HECW2: variants seen among roughly 807,000 people sequenced by gnomAD.
HECW2 encodes E3 ubiquitin-protein ligase HECW2.
HECW2 carries 61 observed loss-of-function variants against 175.2 expected under a neutral mutation model. The observed-to-expected ratio is 0.35, with a 90% CI of 0.28 to 0.43. The LOEUF is 0.43. Among genes scored for constraint, HECW2 ranks in the 20% least tolerant of loss-of-function variants. The probability of loss-of-function intolerance (pLI) is 1.00; values close to 1 mark genes in which losing one functional copy is unlikely to be tolerated. For synonymous variants in HECW2, 671 were observed against 731.0 expected (o/e 0.92, Z 1.32); for missense variants, 1,524 against 2,000.5 (o/e 0.76, Z 4.54).
rs58079994 is a variant in HECW2 at position 196,411,432 on chromosome 2, C to T, written c.292+21700G>A. 6.6e-3 allele frequency among the ~76,000 whole-genome samples: 1,003 copies of T among 152,284 alleles called. 13 individuals are homozygous for T. The highest frequency in any genetic ancestry group is 0.023 in the African/African-American group (943 of 41,556). On this transcript the variant is annotated intron_variant, in intron 2 of 28. Transcript: ENST00000644978. ...GAATTAAACAAACAAACAAAAAACT[C>T]GCAAGGCATTTAAGGTTTAAAAAAA...
intron 26 of HECW2, among the ~76,000 whole-genome samples, chr2:196,219,308 C>T (rs1687583270): frequency 6.6e-6 from 1 of 152,144 alleles, no homozygotes; most frequent in Non-Finnish European, 1.5e-5. Context: ...GTATTCTTTG[C>T]TTAAAATTAT....
intron 2 of HECW2, among the ~76,000 whole-genome samples, chr2:196,381,204 T>C (rs763598118): frequency 1.3e-5 from 2 of 152,200 alleles, no homozygotes; most frequent in Non-Finnish European, 2.9e-5. Context: ...TCTGTGACCA[T>C]GAACCTCACC....
In HECW2 at chr2:196,254,875, A is replaced by G. The variant is rs1327011726; in HGVS notation, c.3420-846T>C. Among the ~76,000 whole-genome samples, 3 of 152,028 alleles carry G rather than the reference A, an allele frequency of 2.0e-5. No homozygotes were observed. In the East Asian group the frequency reaches 5.8e-4, roughly 29 times the overall value. On this transcript the variant is annotated intron_variant, in intron 18 of 28. Coordinates refer to ENST00000644978, the MANE Select transcript of HECW2 (RefSeq NM_001348768.2). ...CTTTCCATGGGTTTATTGGCTATTC[A>G]TACTTCCATTTCTATGCCTTTTCAT...
chr2:196,233,647 TAAAC>T (rs1019073248), intron 21 of HECW2, among the ~76,000 whole-genome samples: 2 of 152,166 alleles, frequency 1.3e-5, no homozygotes, highest in African/African-American at 2.4e-5. Context: ...TTTGATATGA[TAAAC>T]AAAGTCTTAC....
Position 196,483,962 on chromosome 2 carries a change from A to C in HECW2, c.-35-50504T>G, listed in dbSNP as rs184014146. On this transcript the variant is annotated intron_variant, in intron 1 of 28. Transcript: ENST00000644978. Reference sequence around the variant, plus strand: ...AAGGAACCGTTCATTTTTAGATGTTATAACAGTGATGTATGTATGGTTAAA... The same window carrying C: ...AAGGAACCGTTCATTTTTAGATGTTCTAACAGTGATGTATGTATGGTTAAA... Among the ~76,000 whole-genome samples, 29 of 152,320 alleles carry C rather than the reference A, an allele frequency of 1.9e-4. No homozygotes were observed. In the East Asian group the frequency reaches 2.5e-3, roughly 13 times the overall value.
intron 2 of HECW2, among the ~76,000 whole-genome samples, chr2:196,347,007 CA>C (rs200981726): frequency 0.62 from 80,702 of 129,858 alleles, 25,435 homozygotes; most frequent in East Asian, 0.83. Flanking sequence ...GACTCCGTCT[CA>C]AAAAAAAAAA....
chr2:196,509,622 G>C (rs753588788), intron 1 of HECW2, among the ~76,000 whole-genome samples: 16 of 152,160 alleles, frequency 1.1e-4, no homozygotes. Flanking sequence ...CAGGAAACAA[G>C]GACAAAGACC....
At chr2:196,520,897 A>G (rs927831185) in intron 1 of HECW2, among the ~76,000 whole-genome samples, 1 of 152,226 alleles carries the variant, frequency 6.6e-6, no homozygotes, top group Non-Finnish European at 1.5e-5. Flanking sequence ...AAAATTATTT[A>G]TAAGGTCAGA....
At chr2:196,215,112 T>C (rs1436908707) in intron 28 of HECW2, among the ~76,000 whole-genome samples, 1 of 152,216 alleles carries the variant, frequency 6.6e-6, no homozygotes, top group African/African-American at 2.4e-5. Flanking sequence ...AAACAAATTT[T>C]CTTCCATTCC....
chr2:196,356,765 CTAT>C (rs1049595689), intron 2 of HECW2, among the ~76,000 whole-genome samples: 1 of 152,134 alleles, frequency 6.6e-6, no homozygotes, highest in African/African-American at 2.4e-5. Context: ...TATAATTGTT[CTAT>C]TTTGTTTTAG....
chr2:196,395,870 T>G (rs944969579), intron 2 of HECW2, among the ~76,000 whole-genome samples: 1 of 152,204 alleles, frequency 6.6e-6, no homozygotes, highest in African/African-American at 2.4e-5. Context: ...CCAGCTATTC[T>G]ACTTCTGGGT....
chr2:196,371,878 T>C (rs183485982), intron 2 of HECW2, among the ~76,000 whole-genome samples: 1 of 152,240 alleles, frequency 6.6e-6, no homozygotes, highest in African/African-American at 2.4e-5. Flanking sequence ...GAACGATCTC[T>C]GTTTTCTGTG....
At chr2:196,239,970 C>G (rs1167497822) in intron 21 of HECW2, 1 of 152,240 alleles carries the variant, frequency 6.6e-6, no homozygotes, top group Non-Finnish European at 1.5e-5. Context: ...GAAATAAGAG[C>G]CAAGGCCCAA....
At chr2:196,519,372 A>G (rs938102494) in intron 1 of HECW2, among the ~76,000 whole-genome samples, 1 of 152,170 alleles carries the variant, frequency 6.6e-6, no homozygotes, top group Non-Finnish European at 1.5e-5. Context: ...TGCACCAAAA[A>G]TAAATAAATA....
intron 13 of HECW2, among the ~76,000 whole-genome samples, chr2:196,296,600 T>C (rs1690825068): frequency 1.3e-5 from 2 of 152,224 alleles, no homozygotes; most frequent in South Asian, 2.1e-4. Flanking sequence ...TGCTAAGCCA[T>C]GTGCTAAGCC....
intron 2 of HECW2, among the ~76,000 whole-genome samples, chr2:196,371,754 G>C (rs180866033): frequency 6.6e-6 from 1 of 152,296 alleles, no homozygotes; most frequent in African/African-American, 2.4e-5. Context: ...GAACTCTACA[G>C]AGAAGAACCG....
intron 19 of HECW2, 105 bp downstream of exon 19, chr2:196,253,815 T>C (rs755358952): frequency 3.4e-5 from 34 of 1,009,662 alleles, no homozygotes; most frequent in Non-Finnish European, 5.2e-5. Context: ...ACACCAAAGA[T>C]GTACCTGAAG....
intron 17 of HECW2, among the ~76,000 whole-genome samples, chr2:196,270,368 A>G (rs1373594931): frequency 6.6e-6 from 1 of 152,228 alleles, no homozygotes; most frequent in African/African-American, 2.4e-5. Flanking sequence ...TGTATTCAGG[A>G]AAGTAAAACT....
At chr2:196,554,204 T>C (rs1310500912) in intron 1 of HECW2, among the ~76,000 whole-genome samples, 1 of 151,852 alleles carries the variant, frequency 6.6e-6, no homozygotes, top group Admixed American at 6.6e-5. Context: ...CGGGCGCCTG[T>C]AGTCCCAGCT....
Sources: allele counts gnomAD v4.1 joint callset (sites outside exome capture counted in the v4.1 genomes callset), GRCh38; gene constraint gnomAD v4.1.1; transcripts MANE v1.5; gene names NCBI Gene and HGNC (gene_info 2026-07-23, HGNC 2026-07-21).